Variants in NFE2L3 observed in about 807,000 individuals in gnomAD.
NFE2L3 encodes the protein NFE2 like bZIP transcription factor 3, also known as nuclear factor erythroid 2-related factor 3.
A neutral mutation model predicts 23.5 loss-of-function variants in NFE2L3; 18 were observed. That is an observed-to-expected ratio of 0.77 (90% CI 0.53 to 1.13). NFE2L3 has a LOEUF of 1.13. Among genes scored for constraint, NFE2L3 ranks in the 50% most tolerant of loss-of-function variants. The pLI is 0.00. For missense variants in NFE2L3, 1,152 were observed against 877.2 expected (o/e 1.31, Z -3.96); for synonymous variants, 424 against 354.5 (o/e 1.20, Z -2.20).
intron 1 of NFE2L3, among the ~76,000 whole-genome samples, chr7:26,177,594 A>AAAGGAGGG (rs966291276): frequency 1.6e-4 from 25 of 152,184 alleles, no homozygotes; most frequent in Admixed American, 3.3e-4. Flanking sequence ...GAGACCGTCG[A>AAAGGAGGG]AAGGAGGGAA....
At chr7:26,153,556 C>T (rs77857993) in intron 1 of NFE2L3, among the ~76,000 whole-genome samples, 16,186 of 152,192 alleles carry the variant, frequency 0.11, 1,698 homozygotes, top group East Asian at 0.46. Context: ...GTTTTTGCTG[C>T]TTCCCTGGAT....
chr7:26,177,477 A>G (rs1784434325), intron 1 of NFE2L3, among the ~76,000 whole-genome samples: 1 of 152,086 alleles, frequency 6.6e-6, no homozygotes, highest in Non-Finnish European at 1.5e-5. Flanking sequence ...CGTCCCTGCA[A>G]TCCCAGGCAC....
At chr7:26,170,978 T>C (rs1417118659) in intron 1 of NFE2L3, among the ~76,000 whole-genome samples, 1 of 152,192 alleles carries the variant, frequency 6.6e-6, no homozygotes, top group Non-Finnish European at 1.5e-5. Flanking sequence ...AGAGGATCAC[T>C]TGAGCCCAAG....
chr7:26,155,549 A>G (rs1320991190), intron 1 of NFE2L3, among the ~76,000 whole-genome samples: 3 of 151,880 alleles, frequency 2.0e-5, no homozygotes, highest in African/African-American at 7.3e-5. Flanking sequence ...GAGTCTCTTG[A>G]CTCTCAGACT....
intron 1 of NFE2L3, 149 bp from the exon 2 acceptor site, chr7:26,177,794 T>C: frequency 1.4e-6 from 1 of 689,660 alleles, no homozygotes. Context: ...AACTGACCTT[T>C]GTTTCTGAAT....
At chr7:26,175,555 A>G (rs1583934305) in intron 1 of NFE2L3, among the ~76,000 whole-genome samples, 1 of 152,042 alleles carries the variant, frequency 6.6e-6, no homozygotes, top group African/African-American at 2.4e-5. Flanking sequence ...AGGCGGGCGG[A>G]TCACGAGGTC....
Position 26,185,072 on chromosome 7 carries a change from T to C in NFE2L3, c.1374T>C (p.His458=). Residue 458 remains histidine (H), a synonymous_variant, in exon 4 of 4, where the codon CAT becomes CAC. Coordinates refer to ENST00000056233, the MANE Select transcript of NFE2L3 (RefSeq NM_004289.7). ...GYCTDHESSS[H]HDLEGAVGGY... is the part of the protein sequence containing the mutation. ...GCACTGACCATGAATCTAGTTCCCA[T>C]CATGACTTAGAAGGTGCTGTAGGTG... 6.2e-7 allele frequency: 1 copy of C among 1,613,884 alleles called. No individual in the cohort carries two copies. The highest frequency in any genetic ancestry group is 8.5e-7 in the Non-Finnish European group (1 of 1,179,814).
chr7:26,180,889 T>C (rs907959669), intron 2 of NFE2L3, among the ~76,000 whole-genome samples: 7 of 152,216 alleles, frequency 4.6e-5, no homozygotes, highest in African/African-American at 1.4e-4. Flanking sequence ...CTAATTCTTA[T>C]CAGGCTTGGT....
Position 26,184,976 on chromosome 7 carries a change from TCAC to T in NFE2L3, c.1279_1281del (p.His427del), listed in dbSNP as rs1782441905. The T allele has an allele frequency of 6.2e-7, 1 of 1,613,794 alleles. No individual in the cohort carries two copies. The highest frequency in any genetic ancestry group is 8.5e-7 in the Non-Finnish European group (1 of 1,179,844). On this transcript the variant is annotated inframe_deletion, in exon 4 of 4. Transcript: ENST00000056233. ...ATTCTGGCCTTTCTTTAGATTCAAG[TCAC>T]AATAATACCTCTGTCATCAAGTCTA...
At chr7:26,165,256 C>T (rs1320090004) in intron 1 of NFE2L3, among the ~76,000 whole-genome samples, 2 of 152,144 alleles carry the variant, frequency 1.3e-5, no homozygotes, top group Admixed American at 6.5e-5. Flanking sequence ...GCCATTTTCA[C>T]GATATTGATT....
rs1208116703 is a variant in NFE2L3 at position 26,185,845 on chromosome 7, A to C, written c.*62A>C. The stretch of plus-strand genomic sequence containing the variant: ...TAATGTTCAGAAACTGATTATTTGG[A>C]TCAGAAACCATTGAAACTGCTTCAA... On this transcript the variant is annotated 3_prime_UTR_variant, in exon 4 of 4. Coordinates refer to ENST00000056233, the MANE Select transcript of NFE2L3 (RefSeq NM_004289.7). 2.3e-6 allele frequency: 3 copies of C among 1,324,846 alleles called. No homozygotes were observed. Among genetic ancestry groups the C allele is most frequent in the African/African-American group, 3.0e-5 (2 of 66,842 alleles). The allele number at this position is 1,324,846 out of a possible 1,614,324, so 82.1% of individuals were successfully genotyped here.
rs1784008843 is a variant in NFE2L3, at chr7:26,152,344, C to T, written c.-155C>T. 2.4e-6 allele frequency: 1 copy of T among 411,038 alleles called. No homozygotes were observed. Among genetic ancestry groups the T allele is most frequent in the African/African-American group, 2.1e-5 (1 of 47,402 alleles). The allele number at this position is 411,038 out of a possible 1,614,324, so 25.5% of individuals were successfully genotyped here. On this transcript the variant is annotated 5_prime_UTR_variant, in exon 1 of 4. Coordinates refer to ENST00000056233, the MANE Select transcript of NFE2L3 (RefSeq NM_004289.7). The surrounding 1 kb of genome is among the most constrained non-coding windows in gnomAD (Gnocchi z 4.4). ...ACGCCTTTGTGCCCGGTGCTGGGAA[C>T]CCGCGACGGCCGCCACGCGCCCCGG...
At chr7:26,170,682 G>GATTGAA (rs1375080570) in intron 1 of NFE2L3, among the ~76,000 whole-genome samples, 1 of 152,170 alleles carries the variant, frequency 6.6e-6, no homozygotes, top group Non-Finnish European at 1.5e-5. Flanking sequence ...AATATTCCAA[G>GATTGAA]TATCAGGAAT....
chr7:26,183,386 A>G (rs963494589), intron 2 of NFE2L3, among the ~76,000 whole-genome samples: 2 of 151,592 alleles, frequency 1.3e-5, no homozygotes, highest in African/African-American at 4.8e-5. Context: ...TGTCTCTACT[A>G]AAAATACAAA....
Position 26,185,767 on chromosome 7 carries a change from AG to A in NFE2L3, c.2072del (p.Gly691GlufsTer15), listed in dbSNP as rs537173964. On this transcript the variant is annotated frameshift_variant, in exon 4 of 4. Coordinates refer to ENST00000056233, the MANE Select transcript of NFE2L3 (RefSeq NM_004289.7). LOFTEE classifies it high-confidence loss of function. ...TCAGGCCACAAAAAGGAAACCCAAA[AG>A]GGAAAGAGAAAGTGAGAAGAAACTG... ...VASGHKKETQKGKRK is the reference protein window; with the variant it reads ...VASGHKKETQXGKRK 4.2e-4 allele frequency: 657 copies of A among 1,580,402 alleles called. 3 individuals are homozygous for A. In the African/African-American group the frequency reaches 6.8e-3, roughly 16 times the overall value.
At chr7:26,173,014 A>G (rs1223838493) in intron 1 of NFE2L3, among the ~76,000 whole-genome samples, 3 of 152,164 alleles carry the variant, frequency 2.0e-5, no homozygotes, top group Non-Finnish European at 2.9e-5. Context: ...GTATTCTACT[A>G]TAAGAAAGAT....
intron 1 of NFE2L3, among the ~76,000 whole-genome samples, chr7:26,175,853 C>CTTTTTT (rs70943276): frequency 2.9e-4 from 32 of 111,614 alleles, no homozygotes; most frequent in East Asian, 1.0e-3. Context: ...ATTTTCTTTT[C>CTTTTTT]TTTTTTTTTT....
At chr7:26,169,586 C>A (rs7806294) in intron 1 of NFE2L3, among the ~76,000 whole-genome samples, 79,021 of 152,056 alleles carry the variant, frequency 0.52, 21,314 homozygotes, top group East Asian at 0.69. Flanking sequence ...GCACATCTCC[C>A]CATGCATCCC....
At chr7:26,179,682 G>A (rs1186153715) in intron 2 of NFE2L3, among the ~76,000 whole-genome samples, 4 of 150,792 alleles carry the variant, frequency 2.7e-5, no homozygotes, top group Non-Finnish European at 5.9e-5. Flanking sequence ...CTTCAGACGG[G>A]GTGACAGAGC....
Sources: allele counts gnomAD v4.1 joint callset (sites outside exome capture counted in the v4.1 genomes callset), GRCh38; gene constraint gnomAD v4.1.1; non-coding constraint Gnocchi (gnomAD v3.1); transcripts MANE v1.5; gene names NCBI Gene and HGNC (gene_info 2026-07-23, HGNC 2026-07-21).